TMEM150B: variants seen among roughly 807,000 people sequenced by gnomAD.
The protein encoded by TMEM150B is modulator of macroautophagy TMEM150B.
Under a neutral mutation model 25.2 loss-of-function variants are expected in TMEM150B, and 33 were observed. The observed-to-expected ratio is 1.31, with a 90% CI of 0.99 to 1.75. TMEM150B has a LOEUF of 1.75. Ranked by LOEUF, TMEM150B falls within the 40% of genes most tolerant of loss-of-function variation. The probability of loss-of-function intolerance (pLI) is 0.00; values close to 1 mark genes in which losing one functional copy is unlikely to be tolerated. For missense variants in TMEM150B, 322 were observed against 306.1 expected (o/e 1.05, Z -0.39); for synonymous variants, 133 against 134.8 (o/e 0.99, Z 0.09).
Position 55,321,019 on chromosome 19 carries a change from C to T in TMEM150B, c.18G>A (p.Ser6=), listed in dbSNP as rs367989470. Residue 6 remains serine (S), a synonymous_variant, in exon 3 of 8, where the codon TCG becomes TCA. Transcript: ENST00000326652. MWGYL[S]LMPVFLAVWA... ...AGACAGCTAGGAAGACAGGCATCAG[C>T]GACAGGTAGCCCCACATGCCGGGCT... The T allele has an allele frequency of 8.6e-5, 139 of 1,613,836 alleles. No individual in the cohort carries two copies. Among genetic ancestry groups the T allele is most frequent in the South Asian group, 3.3e-4 (30 of 91,072 alleles).
At chr19:55,313,126 C>T (rs1441131391) in intron 7 of TMEM150B, 71 bp from the exon 8 acceptor site, 2 of 1,477,704 alleles carry the variant, frequency 1.4e-6, no homozygotes, top group East Asian at 2.5e-5. Context: ...TGTGCCGCCT[C>T]GCGCTGGGCG....
At chr19:55,323,603 A>G (rs1293397189) in intron 1 of TMEM150B, among the ~76,000 whole-genome samples, 3 of 150,046 alleles carry the variant, frequency 2.0e-5, no homozygotes, top group Non-Finnish European at 4.4e-5. Flanking sequence ...CCCGGGTTCA[A>G]GTGATTCTCC....
intron 5 of TMEM150B, 57 bp from the exon 6 acceptor site, chr19:55,320,223 C>T: frequency 6.3e-7 from 1 of 1,587,922 alleles, no homozygotes; most frequent in South Asian, 1.1e-5. Context: ...CTCCTGGGAC[C>T]CAGGGAGGGA....
intron 6 of TMEM150B, among the ~76,000 whole-genome samples, chr19:55,318,766 T>C (rs2089092296): frequency 6.6e-6 from 1 of 152,182 alleles, no homozygotes; most frequent in Admixed American, 6.6e-5. Context: ...TGCCAAATGC[T>C]CAATCAATGT....
At chr19:55,320,847 C>G in intron 3 of TMEM150B, 122 bp downstream of exon 3, 1 of 1,308,202 alleles carries the variant, frequency 7.6e-7, no homozygotes, top group Non-Finnish European at 1.0e-6. Flanking sequence ...AGGCCTCCAG[C>G]TCCTCCTCCC....
chr19:55,316,320 G>A (rs948032978), intron 7 of TMEM150B, among the ~76,000 whole-genome samples: 21 of 151,286 alleles, frequency 1.4e-4, no homozygotes, highest in African/African-American at 3.9e-4. Context: ...CATCCTGGCC[G>A]AAAGACTTTT....
chr19:55,311,979 C>A, downstream of TMEM150B: 2 of 1,586,466 alleles, frequency 1.3e-6, no homozygotes, highest in Non-Finnish European at 8.6e-7. Context: ...CCCACCCGGC[C>A]GCCCAGACCC....
chr19:55,323,088 C>A (rs552560579), intron 1 of TMEM150B, among the ~76,000 whole-genome samples: 9 of 152,304 alleles, frequency 5.9e-5, no homozygotes, highest in African/African-American at 2.2e-4. Flanking sequence ...CACTATGCCA[C>A]CTCGTGTCTT....
intron 7 of TMEM150B, 52 bp from the exon 8 acceptor site, chr19:55,313,107 C>G: frequency 6.5e-7 from 1 of 1,534,798 alleles, no homozygotes; most frequent in Non-Finnish European, 8.8e-7. Context: ...CGGAGCCCGG[C>G]CTGGTCTCTG....
chr19:55,316,566 C>A (rs2089007272), intron 7 of TMEM150B, among the ~76,000 whole-genome samples: 1 of 151,982 alleles, frequency 6.6e-6, no homozygotes, highest in African/African-American at 2.4e-5. Context: ...GAAGTAACAG[C>A]CCGCGGAAGT....
intron 1 of TMEM150B, chr19:55,324,676 TA>T: frequency 1.1e-6 from 1 of 944,440 alleles, no homozygotes. Context: ...AATAAATAAA[TA>T]AAATAAAAAA....
intron 7 of TMEM150B, among the ~76,000 whole-genome samples, chr19:55,314,187 A>G (rs1215837657): frequency 1.3e-5 from 2 of 151,992 alleles, no homozygotes; most frequent in Non-Finnish European, 2.9e-5. Flanking sequence ...ACACCTGGCT[A>G]ATTTTTGTAT....
intron 5 of TMEM150B, 57 bp downstream of exon 5, chr19:55,320,334 C>T: frequency 2.7e-6 from 4 of 1,503,380 alleles, no homozygotes; most frequent in Non-Finnish European, 3.6e-6. Context: ...GGAGCGGTTT[C>T]GGAACTCGCT....
At chr19:55,318,855 C>CAG (rs1485865068) in intron 6 of TMEM150B, among the ~76,000 whole-genome samples, 1 of 152,190 alleles carries the variant, frequency 6.6e-6, no homozygotes, top group Non-Finnish European at 1.5e-5. Flanking sequence ...GGCTGGAGTG[C>CAG]AGTGGCACAA....
At chr19:55,317,083 A>G in intron 6 of TMEM150B, 117 bp from the exon 7 acceptor site, 1 of 861,244 alleles carries the variant, frequency 1.2e-6, no homozygotes, top group Non-Finnish European at 1.7e-6. Flanking sequence ...TTCCATACCC[A>G]GTGATGGGCT....
At chr19:55,325,077 C>G (rs1322789586) in intron 1 of TMEM150B, among the ~76,000 whole-genome samples, 195 bp downstream of exon 1, 1 of 152,190 alleles carries the variant, frequency 6.6e-6, no homozygotes, top group Non-Finnish European at 1.5e-5. Flanking sequence ...ACGAGAAAGC[C>G]CAGGTGATCC....
chr19:55,312,109 C>A (rs1046073916), downstream of TMEM150B: 11 of 883,602 alleles, frequency 1.2e-5, no homozygotes, highest in South Asian at 1.9e-4. Flanking sequence ...CCTCCACCCC[C>A]CTTCCGTGCC....
chr19:55,310,871 T>TG (rs553717327), downstream of TMEM150B, among the ~76,000 whole-genome samples: 5 of 152,222 alleles, frequency 3.3e-5, no homozygotes, highest in African/African-American at 1.2e-4. The surrounding 1 kb of genome is among the most constrained non-coding windows in gnomAD (Gnocchi z 5.0). Flanking sequence ...ACAGGCACCC[T>TG]GGGGGGCTCA....
At chr19:55,318,924 C>G (rs1297770959) in intron 6 of TMEM150B, among the ~76,000 whole-genome samples, 1 of 152,064 alleles carries the variant, frequency 6.6e-6, no homozygotes, top group Non-Finnish European at 1.5e-5. Flanking sequence ...CTTCCCACCT[C>G]AGCCTCCTGC....
Sources: allele counts gnomAD v4.1 joint callset (sites outside exome capture counted in the v4.1 genomes callset), GRCh38; gene constraint gnomAD v4.1.1; non-coding constraint Gnocchi (gnomAD v3.1); transcripts MANE v1.5; gene names NCBI Gene and HGNC (gene_info 2026-07-23, HGNC 2026-07-21).